VILL: variants seen among roughly 807,000 people sequenced by gnomAD.
VILL encodes the protein villin-like protein.
VILL carries 102 observed loss-of-function variants against 106.3 expected under a neutral mutation model. The observed-to-expected ratio is 0.96, with a 90% CI of 0.82 to 1.13. The LOEUF (loss-of-function observed/expected upper bound fraction) is 1.13, where lower values mean the gene tolerates loss of function less well. Among genes scored for constraint, VILL ranks in the 50% most tolerant of loss-of-function variants. The pLI is 0.00. For missense variants in VILL, 1,076 were observed against 1,116.6 expected (o/e 0.96, Z 0.52); for synonymous variants, 431 against 440.3 (o/e 0.98, Z 0.27).
At position 38,006,228 on chromosome 3, in the gene VILL, ATC is replaced by A. The variant is rs760346905; in HGVS notation, c.2182_2183del (p.Ser728AsnfsTer4). 6.2e-7 allele frequency: 1 copy of A among 1,614,222 alleles called. No individual in the cohort carries two copies. The highest frequency in any genetic ancestry group is 1.7e-5 in the Admixed American group (1 of 60,032). Reference sequence around the variant, plus strand: ...TGGTGGATGGCAGCCCGGCAGCAGCATCAACCATCTCTGAGATAACAGCAGTG... The same window carrying A: ...TGGTGGATGGCAGCCCGGCAGCAGCAAACCATCTCTGAGATAACAGCAGTG... ...EVVDGSPAAA[S>X]TISEITAEVN... On this transcript the variant is annotated frameshift_variant, in exon 18 of 20. Transcript: ENST00000383759. LOFTEE classifies it high-confidence loss of function.
intron 13 of VILL, chr3:38,002,091 T>C (rs1699828866): frequency 1.4e-6 from 1 of 716,090 alleles, no homozygotes; most frequent in Non-Finnish European, 2.3e-6. Flanking sequence ...GCCAGGGGCT[T>C]GCCTGGGGCT....
intron 5 of VILL, among the ~76,000 whole-genome samples, chr3:37,996,150 G>A (rs1364080522): frequency 6.6e-6 from 1 of 152,132 alleles, no homozygotes; most frequent in Non-Finnish European, 1.5e-5. Context: ...TGACACCACT[G>A]TACTCCAGCA....
At chr3:38,000,138 G>C (rs1699786310) in intron 11 of VILL, among the ~76,000 whole-genome samples, 1 of 152,226 alleles carries the variant, frequency 6.6e-6, no homozygotes, top group African/African-American at 2.4e-5. Context: ...GGCTGATGTG[G>C]GGATCCTGTG....
At position 38,003,238 on chromosome 3, in the gene VILL, C is replaced by T. The variant is rs781750603; in HGVS notation, c.1730C>T (p.Thr577Met). The T allele has an allele frequency of 2.4e-5, 39 of 1,613,918 alleles. No individual in the cohort carries two copies. Among genetic ancestry groups the T allele is most frequent in the Admixed American group, 5.0e-5 (3 of 60,022 alleles). ...GTCATTTCCAGGAAGAATGAGGAAACGGTGCTGGAGGGTCAGGAGCCTCCC... is the reference window on the plus strand; with the variant it reads ...GTCATTTCCAGGAAGAATGAGGAAATGGTGCTGGAGGGTCAGGAGCCTCCC... ...VTVISRKNEE[T>M]VLEGQEPPHF... is the part of the protein sequence containing the mutation. The change falls in exon 15 of 20, where the codon ACG (threonine) becomes ATG (methionine). Residue 577 changes from threonine (T) to methionine (M), a missense_variant. Physicochemically the swap from Thr to Met is moderately conservative, Grantham distance 81. Transcript: ENST00000383759.
At position 37,995,687 on chromosome 3, in the gene VILL, T is replaced by C. The variant is rs1699688259; in HGVS notation, c.342-52T>C. On this transcript the variant is annotated intron_variant, in intron 4 of 19. Coordinates refer to ENST00000383759, the MANE Select transcript of VILL (RefSeq NM_015873.4). ...GCAGTCATTCATGCACATGGCAGTC[T>C]GTGTTCTTATATACACAGAATGTAT... is the stretch of plus-strand genomic sequence containing the variant. The C allele has an allele frequency of 8.2e-6, 12 of 1,460,370 alleles. No individual in the cohort carries two copies. In the Admixed American group the frequency reaches 1.9e-4, roughly 23 times the overall value. The allele number at this position is 1,460,370 out of a possible 1,614,324, so 90.5% of individuals were successfully genotyped here. A position where few individuals can be genotyped will look rare whatever the true frequency, so the allele number is the denominator to read the frequency against.
chr3:38,006,840 G>A, intron 19 of VILL, 102 bp from the exon 20 acceptor site: 1 of 1,512,116 alleles, frequency 6.6e-7, no homozygotes, highest in South Asian at 1.3e-5. Context: ...GCAAACAGAT[G>A]CGGGAGTCCC....
rs1326145964 is a variant in VILL at position 37,998,910 on chromosome 3, A to G, written c.943-2A>G. ...CAGGACTGACGATGCCTTCCGCCCC[A>G]GGGCTTCATCCAGGCCAAGGGCTAC... On this transcript the variant is annotated splice_acceptor_variant, in intron 9 of 19. Transcript: ENST00000383759. LOFTEE classifies it high-confidence loss of function. The surrounding 1 kb of genome is among the most constrained non-coding windows in gnomAD (Gnocchi z 4.1). The G allele has an allele frequency of 2.5e-6, 4 of 1,593,850 alleles. No individual in the cohort carries two copies. Among genetic ancestry groups the G allele is most frequent in the Non-Finnish European group, 3.4e-6 (4 of 1,165,460 alleles).
intron 16 of VILL, among the ~76,000 whole-genome samples, chr3:38,004,770 A>G (rs537587358): frequency 2.0e-5 from 3 of 152,276 alleles, no homozygotes; most frequent in East Asian, 1.9e-4. Flanking sequence ...CGCATCATTC[A>G]TGTGTGTGGC....
rs767213627 is a variant in VILL, at chr3:38,006,167, G to T, written c.2134-14G>T. 6 of 1,614,064 alleles carry T rather than the reference G, an allele frequency of 3.7e-6. No homozygotes were observed. The South Asian group carries it at 6.6e-5, about 18-fold the overall frequency. ...CTGCCCTGGCCCTGATACTTGCCCC[G>T]ATTCTTGCTCCAGAGCCACCCGTCC... On this transcript the variant is annotated splice_polypyrimidine_tract_variant and intron_variant, in intron 17 of 19. Transcript: ENST00000383759.
intron 1 of VILL, chr3:37,993,379 C>G: frequency 2.4e-6 from 1 of 421,052 alleles, no homozygotes; most frequent in Non-Finnish European, 4.3e-6. Context: ...GTGTTCGAAT[C>G]ATGCACTGCA....
chr3:38,004,444 G>A (rs1249049961), intron 16 of VILL, 45 bp downstream of exon 16: 2 of 1,582,628 alleles, frequency 1.3e-6, no homozygotes, highest in African/African-American at 1.3e-5. Context: ...ACGGGGGTGT[G>A]TTTCTGTTTG....
intron 16 of VILL, 54 bp from the exon 17 acceptor site, chr3:38,005,738 C>A: frequency 6.5e-7 from 1 of 1,543,934 alleles, no homozygotes; most frequent in South Asian, 1.2e-5. Flanking sequence ...AGGAAGGGGT[C>A]AGCTCTGGGC....
chr3:37,998,246 A>G lies in VILL; in HGVS notation c.844-20A>G, dbSNP rs1699743102. 3 of 1,613,924 alleles carry G rather than the reference A, an allele frequency of 1.9e-6. No homozygotes were observed. The highest frequency in any genetic ancestry group is 1.1e-5 in the South Asian group (1 of 91,090). On this transcript the variant is annotated intron_variant, in intron 8 of 19. Transcript: ENST00000383759. This position sits in a 1 kb window ranked among gnomAD's most constrained non-coding sequence, Gnocchi z 4.1. ...GCCCAGTCTGGACCACCTACTGACC[A>G]GCCCCACCCTTGCTCCCAGGACTTC...
chr3:38,004,601 G>A (rs1699881018), intron 16 of VILL, among the ~76,000 whole-genome samples: 1 of 152,198 alleles, frequency 6.6e-6, no homozygotes, highest in Admixed American at 6.5e-5. Context: ...GAGACTCCGG[G>A]AGATTAGGAG....
chr3:38,003,989 C>G (rs949302490), intron 15 of VILL: 1 of 382,544 alleles, frequency 2.6e-6, no homozygotes, highest in African/African-American at 2.0e-5. Flanking sequence ...CTCAGGCCCT[C>G]CCCTACCCCT....
chr3:37,999,705 A>G (rs907384088), intron 11 of VILL, among the ~76,000 whole-genome samples: 2 of 152,210 alleles, frequency 1.3e-5, no homozygotes, highest in African/African-American at 4.8e-5. Context: ...CTGTAGTCAC[A>G]TGTAGGACAA....
intron 1 of VILL, among the ~76,000 whole-genome samples, chr3:37,992,053 C>T (rs185205162): frequency 6.5e-4 from 99 of 152,236 alleles, no homozygotes; most frequent in Middle Eastern, 3.4e-3. Flanking sequence ...TGACACCAGC[C>T]GAGTCCCAAC....
At chr3:37,999,172 TG>T in intron 10 of VILL, 122 bp downstream of exon 10, 2 of 1,167,802 alleles carry the variant, frequency 1.7e-6, no homozygotes, top group East Asian at 3.0e-5. Flanking sequence ...GGGCGGGGCC[TG>T]GTCTGCACGG....
At position 37,998,846 on chromosome 3, in the gene VILL, C is replaced by T. The variant is rs1699755255; in HGVS notation, c.943-66C>T. 2 of 1,541,566 alleles carry T rather than the reference C, an allele frequency of 1.3e-6. No individual in the cohort carries two copies. The highest frequency in any genetic ancestry group is 1.8e-6 in the Non-Finnish European group (2 of 1,137,174). ...GCTCGGCTGTCCCAGAGCGGTAGGT[C>T]CCCAGGAGCGGCAGTGGGGCAGTGG... On this transcript the variant is annotated intron_variant, in intron 9 of 19. Coordinates refer to ENST00000383759, the MANE Select transcript of VILL (RefSeq NM_015873.4). This position sits in a 1 kb window ranked among gnomAD's most constrained non-coding sequence, Gnocchi z 4.1.
Sources: allele counts gnomAD v4.1 joint callset (sites outside exome capture counted in the v4.1 genomes callset), GRCh38; gene constraint gnomAD v4.1.1; non-coding constraint Gnocchi (gnomAD v3.1); transcripts MANE v1.5; gene names NCBI Gene and HGNC (gene_info 2026-07-23, HGNC 2026-07-21).